Variants in CSMD3 observed in about 807,000 individuals in gnomAD.
The protein encoded by CSMD3 is CUB and sushi domain-containing protein 3.
CSMD3 carries 177 observed loss-of-function variants against 435.2 expected under a neutral mutation model. The observed-to-expected ratio is 0.41, with a 90% CI of 0.36 to 0.46. CSMD3 has a LOEUF of 0.46. CSMD3 is among the 20% of genes least tolerant of loss of function. The pLI, the probability that CSMD3 is intolerant of heterozygous loss-of-function variation, is 0.34. For missense variants in CSMD3, 4,265 were observed against 4,504.6 expected, an observed-to-expected ratio of 0.95 and a Z score of 1.52; for synonymous variants, 1,656 against 1,520.5, an observed-to-expected ratio of 1.09 and a Z score of -2.07.
intron 3 of CSMD3, among the ~76,000 whole-genome samples, chr8:113,245,547 C>T (rs2093267815): frequency 6.6e-6 from 1 of 151,946 alleles, no homozygotes; most frequent in African/African-American, 2.4e-5. Flanking sequence ...TCTCCAACCC[C>T]CTTTCTGCTG....
At chr8:112,415,808 T>A (rs1289352528) in intron 32 of CSMD3, among the ~76,000 whole-genome samples, 1 of 152,228 alleles carries the variant, frequency 6.6e-6, no homozygotes, top group Non-Finnish European at 1.5e-5. Context: ...TAAGGCTTAA[T>A]GACTGCTCTA....
At position 112,231,608 on chromosome 8, in the gene CSMD3, T is replaced by C; in HGVS notation, c.10765A>G (p.Thr3589Ala). ...GFVSAEPDGA[T>A]YVFQGFIQGK... ...TGAATAAATCCTTGAAATACATAAG[T>C]AGCTCCATCAGGCTCAGCAGAAACC... The change falls in exon 69 of 71, where the codon ACT becomes GCT. Residue 3589 changes from threonine (T) to alanine (A), a missense_variant. By Grantham distance (58) the Thr-to-Ala change is moderately conservative. Coordinates refer to ENST00000297405, the MANE Select transcript of CSMD3 (RefSeq NM_198123.2). The C allele has an allele frequency of 6.2e-7, 1 of 1,611,698 alleles. No homozygotes were observed. The highest frequency in any genetic ancestry group is 8.5e-7 in the Non-Finnish European group (1 of 1,178,060).
chr8:112,605,168 T>C (rs1306409628), intron 22 of CSMD3, among the ~76,000 whole-genome samples: 1 of 152,200 alleles, frequency 6.6e-6, no homozygotes, highest in Middle Eastern at 3.2e-3. Context: ...GGAATGCTTA[T>C]ACATTGCTGG....
rs1156736689 is a variant in CSMD3, at chr8:112,597,629, G to T, written c.3716-10394C>A. On this transcript the variant is annotated intron_variant, in intron 22 of 70. Coordinates refer to ENST00000297405, the MANE Select transcript of CSMD3 (RefSeq NM_198123.2). ...TGCAAAAATCCTCAATAAAATACTG[G>T]CAAACCGAATCCAGTAGCACATCGA... Among the ~76,000 whole-genome samples, 2 of 119,790 alleles carry T rather than the reference G, an allele frequency of 1.7e-5. 1 individual carries two copies. The highest frequency in any genetic ancestry group is 3.4e-5 in the Non-Finnish European group (2 of 57,984). The allele number at this position is 119,790 out of a possible 152,430, so 78.6% of individuals were successfully genotyped here.
intron 11 of CSMD3, among the ~76,000 whole-genome samples, chr8:112,833,065 TATAAG>T (rs2079922767): frequency 1.3e-5 from 2 of 152,170 alleles, no homozygotes; most frequent in African/African-American, 4.8e-5. Flanking sequence ...TTATTATTGC[TATAAG>T]ATAAGACTGT....
chr8:112,331,694 G>A (rs549767252), intron 45 of CSMD3, among the ~76,000 whole-genome samples: 7 of 151,870 alleles, frequency 4.6e-5, no homozygotes, highest in Non-Finnish European at 1.0e-4. Context: ...TACAAGTCTT[G>A]AGAAAATCAC....
At chr8:112,410,566 T>C (rs1456649045) in intron 32 of CSMD3, among the ~76,000 whole-genome samples, 1 of 130,308 alleles carries the variant, frequency 7.7e-6, no homozygotes. Flanking sequence ...GATGCTGAAT[T>C]GTACTATGTA....
intron 27 of CSMD3, among the ~76,000 whole-genome samples, chr8:112,519,472 G>A (rs1436653376): frequency 6.6e-6 from 1 of 152,042 alleles, no homozygotes; most frequent in African/African-American, 2.4e-5. Context: ...AAAAGTGCTG[G>A]CCAATTTCAT....
chr8:113,415,255 G>A (rs1335589178), intron 1 of CSMD3, among the ~76,000 whole-genome samples: 7 of 152,140 alleles, frequency 4.6e-5, no homozygotes, highest in Non-Finnish European at 8.8e-5. Context: ...CTGGAAATAT[G>A]TATGTATGGA....
At chr8:112,702,957 C>G (rs774972381) in intron 13 of CSMD3, among the ~76,000 whole-genome samples, 1 of 152,082 alleles carries the variant, frequency 6.6e-6, no homozygotes, top group Non-Finnish European at 1.5e-5. Context: ...CCCACACACC[C>G]AGTATGAATG....
intron 3 of CSMD3, among the ~76,000 whole-genome samples, chr8:113,226,344 CTAAT>C (rs1303791421): frequency 2.0e-5 from 3 of 151,550 alleles, no homozygotes; most frequent in South Asian, 2.1e-4. Context: ...TCTGCTATGA[CTAAT>C]TAATATGGCT....
At chr8:112,383,183 T>C (rs567654366) in intron 37 of CSMD3, among the ~76,000 whole-genome samples, 2 of 152,160 alleles carry the variant, frequency 1.3e-5, no homozygotes, top group South Asian at 2.1e-4. Context: ...CTTGTAGCAT[T>C]TACCTGGTTA....
intron 27 of CSMD3, among the ~76,000 whole-genome samples, chr8:112,544,667 T>A (rs1826992993): frequency 6.6e-6 from 1 of 152,206 alleles, no homozygotes; most frequent in Admixed American, 6.5e-5. Context: ...AAAAAACTAT[T>A]CTGGATCATT....
intron 13 of CSMD3, among the ~76,000 whole-genome samples, chr8:112,711,067 A>C (rs1164697361): frequency 6.6e-6 from 1 of 152,050 alleles, no homozygotes; most frequent in Non-Finnish European, 1.5e-5. Flanking sequence ...AAATAAATAA[A>C]TATTTCTTAT....
intron 2 of CSMD3, among the ~76,000 whole-genome samples, chr8:113,305,142 G>T (rs2093808806): frequency 7.1e-6 from 1 of 141,658 alleles, no homozygotes; most frequent in Admixed American, 7.1e-5. Flanking sequence ...CATACTCTGG[G>T]GACTGTTGTG....
intron 13 of CSMD3, among the ~76,000 whole-genome samples, chr8:112,782,543 A>G: frequency 6.6e-6 from 1 of 152,156 alleles, no homozygotes; most frequent in East Asian, 1.9e-4. Context: ...GGATAAAAAC[A>G]AAGAATTTTC....
At chr8:113,131,351 C>T (rs2091279106) in intron 4 of CSMD3, among the ~76,000 whole-genome samples, 1 of 152,084 alleles carries the variant, frequency 6.6e-6, no homozygotes, top group Non-Finnish European at 1.5e-5. Flanking sequence ...CCGGGAAACC[C>T]TTGCTCTGTG....
chr8:113,427,081 T>A (rs890817686), intron 1 of CSMD3, among the ~76,000 whole-genome samples: 5 of 151,368 alleles, frequency 3.3e-5, no homozygotes, highest in Non-Finnish European at 7.4e-5. Context: ...TCTGAAAATA[T>A]AACAACAAAT....
chr8:112,264,308 T>C (rs918568253), intron 60 of CSMD3, among the ~76,000 whole-genome samples: 3 of 152,174 alleles, frequency 2.0e-5, no homozygotes, highest in African/African-American at 7.2e-5. Flanking sequence ...CCACTTAGAT[T>C]CATATGTTAA....
Sources: gnomAD v4.1 joint callset for allele counts (sites outside exome capture counted in the v4.1 genomes callset) on GRCh38, gnomAD v4.1.1 for gene constraint, MANE v1.5 for transcripts, NCBI Gene and HGNC (gene_info 2026-07-23, HGNC 2026-07-21) for gene names.